The following PATJ variants were observed in gnomAD, a reference collection of about 807,000 sequenced individuals.
PATJ encodes PATJ crumbs cell polarity complex component, also known as inaD-like protein.
PATJ carries 190 observed loss-of-function variants against 224.9 expected under a neutral mutation model. The ratio of observed to expected loss-of-function variants is 0.84; its 90% confidence interval spans 0.75 to 0.95. The LOEUF (loss-of-function observed/expected upper bound fraction) is 0.95, where lower values mean the gene tolerates loss of function less well. Among genes scored for constraint, PATJ ranks in the 40% least tolerant of loss-of-function variants. The probability of loss-of-function intolerance (pLI) is 0.00; values close to 1 mark genes in which losing one functional copy is unlikely to be tolerated. For missense variants in PATJ, 2,121 were observed against 2,270.3 expected (o/e 0.93, Z 1.34); for synonymous variants, 769 against 820.3 (o/e 0.94, Z 1.07).
chr1:61,767,484 A>T (rs1453858180), intron 4 of PATJ, among the ~76,000 whole-genome samples: 1 of 152,166 alleles, frequency 6.6e-6, no homozygotes, highest in East Asian at 1.9e-4. Flanking sequence ...AGCTGTAGTG[A>T]GCTATGATCG....
At position 61,939,945 on chromosome 1, in the gene PATJ, A is replaced by G. The variant is rs1032941964; in HGVS notation, c.3670+12116A>G. Among the ~76,000 whole-genome samples, 5 of 152,074 alleles carry G rather than the reference A, an allele frequency of 3.3e-5. No homozygotes were observed. The East Asian group carries it at 9.7e-4, about 29-fold the overall frequency. On this transcript the variant is annotated intron_variant, in intron 27 of 43. Transcript: ENST00000642238. ...CGCCTCGGCCTTCCAAAGTGCTGGGATTACAGGTGTGAGCCACCGCGCCCG... is the reference window on the plus strand; with the variant it reads ...CGCCTCGGCCTTCCAAAGTGCTGGGGTTACAGGTGTGAGCCACCGCGCCCG...
At chr1:62,103,907 G>GT (rs1662551770) in intron 33 of PATJ, among the ~76,000 whole-genome samples, 1 of 152,172 alleles carries the variant, frequency 6.6e-6, no homozygotes, top group African/African-American at 2.4e-5. Flanking sequence ...ACGGCCAACA[G>GT]TAGCAGGGCC....
rs368177962 is a variant in PATJ at position 61,869,305 on chromosome 1, A to G, written c.2835+4672A>G. Reference sequence around the variant, plus strand: ...GTATTTTTAGTAGAGACGGGGTTTCACCGTTTTAGCCGGGATGGTCTCGAT... The same window carrying G: ...GTATTTTTAGTAGAGACGGGGTTTCGCCGTTTTAGCCGGGATGGTCTCGAT... On this transcript the variant is annotated intron_variant, in intron 20 of 43. Coordinates refer to ENST00000642238, the MANE Select transcript of PATJ (RefSeq NM_001350145.3). 1.5e-3 allele frequency among the ~76,000 whole-genome samples: 222 copies of G among 151,538 alleles called. 1 individual carries two copies. The highest frequency in any genetic ancestry group is 5.9e-3 in the South Asian group (28 of 4,776).
At chr1:61,754,587 C>T (rs1427878727) in intron 1 of PATJ, among the ~76,000 whole-genome samples, 10 of 144,068 alleles carry the variant, frequency 6.9e-5, no homozygotes, top group African/African-American at 2.6e-4. Flanking sequence ...GTCTCAAACT[C>T]CTGGGCTCAA....
chr1:61,946,702 C>T (rs953357390), intron 27 of PATJ, among the ~76,000 whole-genome samples: 1 of 152,172 alleles, frequency 6.6e-6, no homozygotes, highest in Non-Finnish European at 1.5e-5. Flanking sequence ...AGGGAATCCT[C>T]CCTAATTCAT....
At chr1:62,062,817 T>C (rs1050417260) in intron 31 of PATJ, among the ~76,000 whole-genome samples, 1 of 151,828 alleles carries the variant, frequency 6.6e-6, no homozygotes, top group African/African-American at 2.4e-5. Flanking sequence ...TCCAGAAGAG[T>C]GTGTTCTTGT....
At position 61,784,885 on chromosome 1, in the gene PATJ, T is replaced by C. The variant is rs1165551900; in HGVS notation, c.850-2869T>C. Among the ~76,000 whole-genome samples, 3 of 152,320 alleles carry C rather than the reference T, an allele frequency of 2.0e-5. No individual in the cohort carries two copies. The East Asian group carries it at 5.8e-4, about 29-fold the overall frequency. On this transcript the variant is annotated intron_variant, in intron 7 of 43. Transcript: ENST00000642238. ...TTTTCATAACAATGTCCTCCTTGCC[T>C]CTGTTTCTGTTTTCTAAGTCTTTCC...
At chr1:61,940,531 G>A (rs183447978) in intron 27 of PATJ, among the ~76,000 whole-genome samples, 35 of 151,994 alleles carry the variant, frequency 2.3e-4, no homozygotes, top group Admixed American at 1.5e-3. Flanking sequence ...CCTGGTCAAC[G>A]TGGTGAAACT....
chr1:61,771,592 C>T lies in PATJ; in HGVS notation c.686C>T (p.Ser229Phe). The T allele has an allele frequency of 1.9e-6, 3 of 1,606,770 alleles. No homozygotes were observed. The highest frequency in any genetic ancestry group is 2.5e-6 in the Non-Finnish European group (3 of 1,178,000). ...REPVHTKSST[S>F]SSLNDTTLPE... ...CCAGTCCACACAAAAAGCAGTACTT[C>T]TAGCAGCCTAAATGATACAACTCTG... The change falls in exon 6 of 44, where the codon TCT becomes TTT. Residue 229 changes from serine (S) to phenylalanine (F), a missense_variant. Coordinates refer to ENST00000642238, the MANE Select transcript of PATJ (RefSeq NM_001350145.3).
chr1:61,772,425 G>A (rs929044939), intron 6 of PATJ, among the ~76,000 whole-genome samples: 1 of 152,130 alleles, frequency 6.6e-6, no homozygotes, highest in Non-Finnish European at 1.5e-5. Context: ...GAATAAAAGT[G>A]TATGTCTCTT....
At chr1:61,868,177 T>A (rs1031357022) in intron 20 of PATJ, among the ~76,000 whole-genome samples, 1 of 152,224 alleles carries the variant, frequency 6.6e-6, no homozygotes, top group Non-Finnish European at 1.5e-5. Flanking sequence ...ACCATTTTAA[T>A]CATTTTTAGG....
At chr1:61,931,894 C>G (rs1304777075) in intron 27 of PATJ, among the ~76,000 whole-genome samples, 1 of 152,162 alleles carries the variant, frequency 6.6e-6, no homozygotes, top group African/African-American at 2.4e-5. Context: ...TATAGATGCA[C>G]ACATACACAC....
chr1:61,908,774 A>G (rs756175161), intron 25 of PATJ, among the ~76,000 whole-genome samples: 7 of 152,196 alleles, frequency 4.6e-5, no homozygotes, highest in Non-Finnish European at 7.3e-5. Context: ...GCTAACTTGC[A>G]GGTTACTTTT....
At chr1:61,890,477 A>G (rs780767375) in intron 22 of PATJ, among the ~76,000 whole-genome samples, 1 of 151,916 alleles carries the variant, frequency 6.6e-6, no homozygotes, top group Non-Finnish European at 1.5e-5. Flanking sequence ...AGACCTGGTC[A>G]CTATTTTTTA....
At chr1:62,034,033 ATC>A (rs1437034051) in intron 29 of PATJ, among the ~76,000 whole-genome samples, 5 of 152,188 alleles carry the variant, frequency 3.3e-5, no homozygotes, top group African/African-American at 1.2e-4. Flanking sequence ...AAAGTCCGTT[ATC>A]TCTCTCCCAG....
chr1:61,982,199 T>C (rs1644488363), intron 27 of PATJ, among the ~76,000 whole-genome samples: 1 of 151,968 alleles, frequency 6.6e-6, no homozygotes, highest in Non-Finnish European at 1.5e-5. Context: ...GCTTCTGTGG[T>C]TTTCTCAGTT....
intron 33 of PATJ, among the ~76,000 whole-genome samples, chr1:62,103,758 C>CAA (rs751774297): frequency 1.8e-5 from 2 of 108,684 alleles, no homozygotes; most frequent in Admixed American, 9.6e-5. Flanking sequence ...TGTCTCAACC[C>CAA]AAAAAAAAAA....
rs185511963 is a variant in PATJ, at chr1:61,990,149, A to T, written c.3671-19A>T. ...AGATCAAGCTACTCTATTTAATTTT[A>T]AAAAAATTCTTTTAATAGAAAAAAT... On this transcript the variant is annotated intron_variant, in intron 27 of 43. Transcript: ENST00000642238. 1.9e-4 allele frequency: 292 copies of T among 1,544,318 alleles called. No homozygotes were observed. In the East Asian group the frequency reaches 2.3e-3, roughly 12 times the overall value.
At chr1:61,877,490 A>G (rs1290178543) in intron 21 of PATJ, among the ~76,000 whole-genome samples, 2 of 151,944 alleles carry the variant, frequency 1.3e-5, no homozygotes, top group Non-Finnish European at 2.9e-5. Context: ...GGGACTTGGT[A>G]GGAGGTGATT....
Sources: allele counts gnomAD v4.1 joint callset (sites outside exome capture counted in the v4.1 genomes callset), GRCh38; gene constraint gnomAD v4.1.1; transcripts MANE v1.5; gene names NCBI Gene and HGNC (gene_info 2026-07-23, HGNC 2026-07-21).